The following TTLL11 variants were observed in gnomAD, a reference collection of about 807,000 sequenced individuals.
TTLL11 encodes tubulin polyglutamylase TTLL11.
TTLL11 carries 42 observed loss-of-function variants against 51.7 expected under a neutral mutation model. The ratio of observed to expected loss-of-function variants is 0.81; its 90% confidence interval spans 0.64 to 1.05. The LOEUF is 1.05. Among genes scored for constraint, TTLL11 ranks in the 50% least tolerant of loss-of-function variants. TTLL11 has a pLI of 0.00. For missense variants in TTLL11, 799 were observed against 940.4 expected, an observed-to-expected ratio of 0.85 and a Z score of 1.97; for synonymous variants, 381 against 383.5, an observed-to-expected ratio of 0.99 and a Z score of 0.08.
rs1008148611 is a variant in TTLL11, at chr9:122,006,450, T to C, written c.694-16680A>G. Among the ~76,000 whole-genome samples the C allele has an allele frequency of 2.0e-5, 3 of 152,162 alleles. No homozygotes were observed. In the East Asian group the frequency reaches 5.8e-4, roughly 29 times the overall value. On this transcript the variant is annotated intron_variant, in intron 3 of 8. Coordinates refer to ENST00000321582, the MANE Select transcript of TTLL11 (RefSeq NM_001139442.2). ...AGAAACATCACATCACTAATGATAT[T>C]GCGGACCATGGTATTTGAGTCACTC...
intron 1 of TTLL11, among the ~76,000 whole-genome samples, chr9:122,052,418 C>T (rs749568031): frequency 5.9e-5 from 9 of 152,206 alleles, no homozygotes; most frequent in Non-Finnish European, 8.8e-5. Flanking sequence ...GTGGGAGCAA[C>T]TCCAAGTCTG....
Position 121,924,177 on chromosome 9 carries a change from C to T in TTLL11, c.1481+49832G>A, listed in dbSNP as rs367884258. On this transcript the variant is annotated intron_variant, in intron 6 of 8. Coordinates refer to ENST00000321582, the MANE Select transcript of TTLL11 (RefSeq NM_001139442.2). ...ACGGACTAATATAAGAAGTAATTGG[C>T]TTTCTGGAAAGCCTTCCCAGACACC... Among the ~76,000 whole-genome samples, 62 of 152,332 alleles carry T rather than the reference C, an allele frequency of 4.1e-4. No individual in the cohort carries two copies. In the East Asian group the frequency reaches 5.0e-3, roughly 12 times the overall value.
rs924875359 is a variant in TTLL11, at chr9:121,819,076, TG to T, written c.*3510del. 6.6e-6 allele frequency: 1 copy of T among 152,308 alleles called. No homozygotes were observed. Among genetic ancestry groups the T allele is most frequent in the Non-Finnish European group, 1.5e-5 (1 of 68,290 alleles). The allele number at this position is 152,308 out of a possible 1,614,324, so 9.4% of individuals were successfully genotyped here. ...GGAGGAGAAGTAAGAGGAAGCCAGGTGGTTTGTTTTAGGGATGGATGCTGCT... is the reference window on the plus strand; with the variant it reads ...GGAGGAGAAGTAAGAGGAAGCCAGGTGTTTGTTTTAGGGATGGATGCTGCT... On this transcript the variant is annotated 3_prime_UTR_variant, in exon 9 of 9. Coordinates refer to ENST00000321582, the MANE Select transcript of TTLL11 (RefSeq NM_001139442.2).
chr9:122,081,685 T>C (rs934717162), intron 1 of TTLL11, among the ~76,000 whole-genome samples: 1 of 152,234 alleles, frequency 6.6e-6, no homozygotes, highest in Non-Finnish European at 1.5e-5. Context: ...CTTCTTGAGC[T>C]AACAAGTCAA....
At chr9:122,019,683 T>C (rs1844107102) in intron 3 of TTLL11, among the ~76,000 whole-genome samples, 1 of 152,218 alleles carries the variant, frequency 6.6e-6, no homozygotes, top group Non-Finnish European at 1.5e-5. Flanking sequence ...ACTCCTGGAC[T>C]CAAGCAATCT....
At chr9:121,922,550 A>C (rs1169103935) in intron 6 of TTLL11, among the ~76,000 whole-genome samples, 3 of 152,194 alleles carry the variant, frequency 2.0e-5, no homozygotes, top group Non-Finnish European at 4.4e-5. Flanking sequence ...TAGTAGAAAG[A>C]TCGCATTTGC....
At chr9:122,064,920 C>T (rs1332072045) in intron 1 of TTLL11, among the ~76,000 whole-genome samples, 1 of 152,086 alleles carries the variant, frequency 6.6e-6, no homozygotes, top group Admixed American at 6.6e-5. Flanking sequence ...GGTTCTCAGA[C>T]CTGTGCTTTC....
chr9:121,881,959 A>G (rs1029527358), intron 6 of TTLL11, among the ~76,000 whole-genome samples: 29 of 152,320 alleles, frequency 1.9e-4, no homozygotes, highest in Non-Finnish European at 4.3e-4. Context: ...TAATCTTTGA[A>G]AAGTCTCTTA....
At chr9:121,875,826 T>A (rs1443221413) in intron 6 of TTLL11, among the ~76,000 whole-genome samples, 2 of 152,262 alleles carry the variant, frequency 1.3e-5, no homozygotes, top group Admixed American at 6.5e-5. Flanking sequence ...ATTTGTTATA[T>A]CCTTGATTCA....
chr9:121,868,682 T>C (rs1838252890), intron 7 of TTLL11, among the ~76,000 whole-genome samples: 1 of 152,188 alleles, frequency 6.6e-6, no homozygotes, highest in Non-Finnish European at 1.5e-5. Flanking sequence ...GAACCCCCAC[T>C]GCAAAAGTTC....
At chr9:122,007,059 T>C (rs936439784) in intron 3 of TTLL11, among the ~76,000 whole-genome samples, 1 of 152,018 alleles carries the variant, frequency 6.6e-6, no homozygotes, top group Admixed American at 6.5e-5. Flanking sequence ...GGGTTGTTTT[T>C]ATTTTAACTA....
chr9:121,971,620 A>C (rs1362215435), intron 6 of TTLL11, among the ~76,000 whole-genome samples: 1 of 144,510 alleles, frequency 6.9e-6, no homozygotes, highest in Non-Finnish European at 1.5e-5. Flanking sequence ...GGCTTTGTGG[A>C]ATAGAAAGGT....
At chr9:121,879,747 G>GATTT (rs1838707678) in intron 6 of TTLL11, among the ~76,000 whole-genome samples, 1 of 25,676 alleles carries the variant, frequency 3.9e-5, no homozygotes, top group Admixed American at 2.7e-4. Context: ...TGGGAGAACT[G>GATTT]CTTGAAGCCC....
intron 6 of TTLL11, among the ~76,000 whole-genome samples, chr9:121,932,392 C>T (rs1841020788): frequency 6.6e-6 from 1 of 152,200 alleles, no homozygotes; most frequent in African/African-American, 2.4e-5. Flanking sequence ...TCCTTGGTAC[C>T]AGGCACCACC....
Position 121,870,663 on chromosome 9 carries a change from G to A in TTLL11, c.1567C>T (p.Pro523Ser). The change falls in exon 7 of 9, where the codon CCC (proline) becomes TCC (serine). Residue 523 changes from proline to serine, a missense_variant. This residue lies in a region of TTLL11 where 468 missense variants were observed against 612.8 expected (regional missense o/e 0.76). Transcript: ENST00000321582. Reference sequence around the variant, plus strand: ...CAAATGGAAGGCAGGTGGGCTTCGGGGTTGGCGTTGCAGTCTGGAGCACTG... The same window carrying A: ...CAAATGGAAGGCAGGTGGGCTTCGGAGTTGGCGTTGCAGTCTGGAGCACTG... Reference protein sequence around the residue: ...LTSAPDCNANPEAHLPSICLK... With the variant: ...LTSAPDCNANSEAHLPSICLK... The A allele has an allele frequency of 1.3e-6, 2 of 1,551,714 alleles. No homozygotes were observed. Among genetic ancestry groups the A allele is most frequent in the African/African-American group, 1.4e-5 (1 of 73,144 alleles).
chr9:121,838,580 G>C (rs943052245), intron 8 of TTLL11, among the ~76,000 whole-genome samples: 1 of 151,816 alleles, frequency 6.6e-6, no homozygotes, highest in Non-Finnish European at 1.5e-5. Context: ...TTAGCAGGGC[G>C]TTGTGGCATG....
At chr9:122,067,033 CAT>C (rs1383126120) in intron 1 of TTLL11, among the ~76,000 whole-genome samples, 1 of 152,132 alleles carries the variant, frequency 6.6e-6, no homozygotes, top group African/African-American at 2.4e-5. Context: ...TCCCTTGACA[CAT>C]AGGGATTATG....
intron 8 of TTLL11, among the ~76,000 whole-genome samples, chr9:121,844,060 C>T (rs760365024): frequency 1.6e-4 from 24 of 152,058 alleles, no homozygotes; most frequent in Admixed American, 3.3e-4. Context: ...AGTTTTCACA[C>T]ATAAAGGGAG....
intron 6 of TTLL11, among the ~76,000 whole-genome samples, chr9:121,942,308 C>T (rs1841506403): frequency 6.6e-6 from 1 of 152,222 alleles, no homozygotes; most frequent in Admixed American, 6.5e-5. Context: ...GTCTCAATTC[C>T]AATGTCACCT....
Sources: gnomAD v4.1 joint callset for allele counts (sites outside exome capture counted in the v4.1 genomes callset) on GRCh38, gnomAD v4.1.1 for gene constraint, gnomAD v4.1.1 regional missense constraint, MANE v1.5 for transcripts, NCBI Gene and HGNC (gene_info 2026-07-23, HGNC 2026-07-21) for gene names.